GSG1L: variants seen among roughly 807,000 people sequenced by gnomAD.
GSG1L encodes germ cell-specific gene 1-like protein.
In GSG1L, 24 loss-of-function variants were observed where a neutral mutation model predicts 42.1. The observed-to-expected ratio is 0.57, with a 90% CI of 0.41 to 0.80. GSG1L has a LOEUF of 0.80. GSG1L is among the 30% of genes least tolerant of loss of function. The pLI, the probability that GSG1L is intolerant of heterozygous loss-of-function variation, is 0.00. For missense variants in GSG1L, 445 were observed against 472.2 expected (o/e 0.94, Z 0.53); for synonymous variants, 215 against 203.5 (o/e 1.06, Z -0.48).
intron 1 of GSG1L, among the ~76,000 whole-genome samples, chr16:28,032,314 T>C (rs1323996713): frequency 6.7e-6 from 1 of 150,286 alleles, no homozygotes. Context: ...AGCTGCACAA[T>C]TTCTTTCCAT....
At chr16:27,889,136 A>G (rs1289358342) in intron 2 of GSG1L, among the ~76,000 whole-genome samples, 1 of 152,096 alleles carries the variant, frequency 6.6e-6, no homozygotes, top group Non-Finnish European at 1.5e-5. Flanking sequence ...GGTAAGTGCC[A>G]CCATGCCCAG....
At chr16:27,973,669 G>C (rs1237612752) in intron 1 of GSG1L, among the ~76,000 whole-genome samples, 1 of 152,094 alleles carries the variant, frequency 6.6e-6, no homozygotes, top group East Asian at 1.9e-4. Flanking sequence ...CCTGGGTGCA[G>C]CCTGGCTCCA....
intron 1 of GSG1L, among the ~76,000 whole-genome samples, chr16:28,013,099 C>T (rs369038074): frequency 1.3e-4 from 19 of 151,826 alleles, no homozygotes; most frequent in African/African-American, 4.4e-4. Flanking sequence ...TGGCATATGC[C>T]TGTAATCCCA....
At chr16:28,016,650 A>T (rs555882164) in intron 1 of GSG1L, among the ~76,000 whole-genome samples, 48 of 152,294 alleles carry the variant, frequency 3.2e-4, no homozygotes, top group African/African-American at 1.2e-3. Context: ...TCTCAACCCC[A>T]CCAAAACACT....
chr16:27,950,852 A>G (rs1482486508), intron 2 of GSG1L, among the ~76,000 whole-genome samples: 2 of 152,084 alleles, frequency 1.3e-5, no homozygotes, highest in Non-Finnish European at 2.9e-5. Flanking sequence ...CACGAGAAGG[A>G]ATTGCATTCT....
At chr16:28,034,956 C>A (rs1196997590) in intron 1 of GSG1L, among the ~76,000 whole-genome samples, 1 of 152,154 alleles carries the variant, frequency 6.6e-6, no homozygotes, top group Admixed American at 6.5e-5. Flanking sequence ...GAGAGGAGTG[C>A]CTAGCACACA....
intron 1 of GSG1L, among the ~76,000 whole-genome samples, chr16:28,044,022 A>G (rs1411057251): frequency 6.6e-6 from 1 of 151,540 alleles, no homozygotes; most frequent in East Asian, 1.9e-4. Context: ...ATCCTGTCTG[A>G]AAAAAACAAA....
chr16:28,002,431 G>A (rs1013404457), intron 1 of GSG1L, among the ~76,000 whole-genome samples: 1 of 152,010 alleles, frequency 6.6e-6, no homozygotes, highest in African/African-American at 2.4e-5. Context: ...GACTAGCCTG[G>A]GCAACGTGGC....
At chr16:27,923,757 A>G (rs899521789) in intron 2 of GSG1L, among the ~76,000 whole-genome samples, 97 of 151,434 alleles carry the variant, frequency 6.4e-4, no homozygotes, top group East Asian at 4.5e-3. Flanking sequence ...AGGAAGAAAG[A>G]AAGAAAGAAA....
At chr16:27,965,597 T>A (rs2085122855) in intron 1 of GSG1L, among the ~76,000 whole-genome samples, 1 of 152,154 alleles carries the variant, frequency 6.6e-6, no homozygotes, top group African/African-American at 2.4e-5. Context: ...GACCAAGTCT[T>A]CACTGCATCC....
At chr16:27,956,075 G>A (rs749070316) in intron 2 of GSG1L, among the ~76,000 whole-genome samples, 7 of 152,138 alleles carry the variant, frequency 4.6e-5, no homozygotes, top group Non-Finnish European at 8.8e-5. Flanking sequence ...CAAAAAGGAT[G>A]AACAGTTTTC....
intron 1 of GSG1L, among the ~76,000 whole-genome samples, chr16:28,038,233 C>T (rs1175892174): frequency 6.6e-6 from 1 of 152,168 alleles, no homozygotes; most frequent in African/African-American, 2.4e-5. Flanking sequence ...ACCTCAGCCT[C>T]CCAAGTAGCT....
chr16:27,925,059 G>A (rs1385913894), intron 2 of GSG1L, among the ~76,000 whole-genome samples: 1 of 152,190 alleles, frequency 6.6e-6, no homozygotes, highest in Non-Finnish European at 1.5e-5. Flanking sequence ...TTCCCCAAGA[G>A]TGGACAGGTA....
At chr16:28,021,753 A>C (rs1567558754) in intron 1 of GSG1L, among the ~76,000 whole-genome samples, 1 of 151,844 alleles carries the variant, frequency 6.6e-6, no homozygotes, top group Non-Finnish European at 1.5e-5. Flanking sequence ...TTTTTTTCCT[A>C]ATCATTTACA....
At chr16:27,803,329 C>T (rs530626767) in intron 6 of GSG1L, among the ~76,000 whole-genome samples, 5 of 152,178 alleles carry the variant, frequency 3.3e-5, no homozygotes, top group African/African-American at 7.2e-5. Flanking sequence ...ACCCTCTCTG[C>T]GGCAGCCCTT....
chr16:27,938,805 T>C (rs779460723), intron 2 of GSG1L, among the ~76,000 whole-genome samples: 5 of 152,172 alleles, frequency 3.3e-5, no homozygotes, highest in Admixed American at 1.3e-4. Context: ...TCTGCTTTGT[T>C]TCAGACTCCT....
At chr16:27,939,363 A>G (rs1354866922) in intron 2 of GSG1L, among the ~76,000 whole-genome samples, 1 of 151,918 alleles carries the variant, frequency 6.6e-6, no homozygotes, top group Non-Finnish European at 1.5e-5. Flanking sequence ...CCTGGACTCA[A>G]GTGATCCTCC....
At chr16:27,840,957 A>G (rs2083374123) in intron 4 of GSG1L, among the ~76,000 whole-genome samples, 1 of 152,206 alleles carries the variant, frequency 6.6e-6, no homozygotes, top group Admixed American at 6.5e-5. Context: ...AGCTTCGAGG[A>G]AGAACCCAGC....
At position 27,788,733 on chromosome 16, in the gene GSG1L, A is replaced by T. The variant is rs889193677; in HGVS notation, c.*2637T>A. 1 of 152,228 alleles carries T rather than the reference A, an allele frequency of 6.6e-6. No homozygotes were observed. The highest frequency in any genetic ancestry group is 6.5e-5 in the Admixed American group (1 of 15,286). The allele number at this position is 152,228 out of a possible 1,614,324, so 9.4% of individuals were successfully genotyped here. On this transcript the variant is annotated 3_prime_UTR_variant, in exon 7 of 7. Coordinates refer to ENST00000447459, the MANE Select transcript of GSG1L (RefSeq NM_001109763.2). ...TTGTCCTGTTAGTAAACACCCACAA[A>T]GTGTTTACTTGTGCCAGGCTCTGTT...
Sources: allele counts gnomAD v4.1 joint callset (sites outside exome capture counted in the v4.1 genomes callset), GRCh38; gene constraint gnomAD v4.1.1; transcripts MANE v1.5; gene names NCBI Gene and HGNC (gene_info 2026-07-23, HGNC 2026-07-21).